QRICH1: variants seen among roughly 807,000 people sequenced by gnomAD.
The protein encoded by QRICH1 is glutamine rich 1, also known as transcriptional regulator QRICH1.
QRICH1 carries 16 observed loss-of-function variants against 87.1 expected under a neutral mutation model. That is an observed-to-expected ratio of 0.18 (90% confidence interval 0.12 to 0.28). The LOEUF is 0.28. Among genes scored for constraint, QRICH1 ranks in the 10% least tolerant of loss-of-function variants. The pLI is 1.00. For missense variants in QRICH1, 647 were observed against 951.7 expected (o/e 0.68, Z 4.21); for synonymous variants, 367 against 368.4 (o/e 1.00, Z 0.05).
intron 6 of QRICH1, among the ~76,000 whole-genome samples, chr3:49,038,774 C>T (rs1048520247): frequency 1.2e-4 from 18 of 152,276 alleles, no homozygotes; most frequent in Non-Finnish European, 2.5e-4. Flanking sequence ...CGCCTGTAAT[C>T]CTAGCACTTT....
rs1315632724 is a variant in QRICH1 at position 49,094,066 on chromosome 3, G to A, written c.-176C>T. The A allele has an allele frequency of 1.0e-5, 4 of 398,610 alleles. No individual in the cohort carries two copies. The highest frequency in any genetic ancestry group is 4.4e-5 in the Admixed American group (1 of 22,726). 24.7% of individuals were successfully genotyped at this position (398,610 alleles called of 1,614,324 possible). On this transcript the variant is annotated 5_prime_UTR_variant, in exon 1 of 10. Transcript: ENST00000395443. Reference sequence around the variant, plus strand: ...CGCCATCTTACATTCAACCCTCACAGCCAATAGGAGCCGATTGCTCCTCTC... The same window carrying A: ...CGCCATCTTACATTCAACCCTCACAACCAATAGGAGCCGATTGCTCCTCTC...
chr3:49,086,238 T>C (rs1438924497), intron 1 of QRICH1, among the ~76,000 whole-genome samples: 1 of 151,298 alleles, frequency 6.6e-6, no homozygotes, highest in African/African-American at 2.4e-5. Flanking sequence ...GTATCTCCTC[T>C]GTATCTCCCT....
intron 3 of QRICH1, among the ~76,000 whole-genome samples, chr3:49,055,085 T>C (rs59234012): frequency 1.3e-5 from 2 of 152,170 alleles, no homozygotes; most frequent in Non-Finnish European, 1.5e-5. Context: ...CTAAGCTATA[T>C]GAAGCAAAAA....
intron 1 of QRICH1, among the ~76,000 whole-genome samples, chr3:49,079,032 A>G (rs953115794): frequency 6.6e-6 from 1 of 151,800 alleles, no homozygotes; most frequent in African/African-American, 2.4e-5. Flanking sequence ...CAATCCTTCC[A>G]CCTCAGCCCA....
At chr3:49,030,952 A>C (rs1481704623) in intron 9 of QRICH1, among the ~76,000 whole-genome samples, 1 of 149,958 alleles carries the variant, frequency 6.7e-6, no homozygotes, top group Non-Finnish European at 1.5e-5. Flanking sequence ...ACTTGAAGCC[A>C]GCTTCACTGC....
chr3:49,034,372 G>A (rs1174024065), intron 6 of QRICH1, among the ~76,000 whole-genome samples: 1 of 151,346 alleles, frequency 6.6e-6, no homozygotes, highest in Non-Finnish European at 1.5e-5. Flanking sequence ...GGCCTGGGAG[G>A]TCAAGGCTGC....
At chr3:49,071,209 C>A (rs1294650375) in intron 2 of QRICH1, among the ~76,000 whole-genome samples, 1 of 151,938 alleles carries the variant, frequency 6.6e-6, no homozygotes, top group Non-Finnish European at 1.5e-5. Flanking sequence ...GGACTACAGG[C>A]ACCCGCCACC....
At chr3:49,040,033 C>A (rs1379267334) in intron 6 of QRICH1, among the ~76,000 whole-genome samples, 1 of 152,218 alleles carries the variant, frequency 6.6e-6, no homozygotes, top group Admixed American at 6.5e-5. Context: ...TGCACTCCAG[C>A]CTGGGCGATA....
At chr3:49,033,095 G>T in intron 7 of QRICH1, 25 bp downstream of exon 7, 3 of 1,433,720 alleles carry the variant, frequency 2.1e-6, no homozygotes, top group Non-Finnish European at 2.8e-6. Context: ...ACAGATGCCA[G>T]CAGTGGAGCC....
chr3:49,062,488 G>A (rs1203707217), intron 2 of QRICH1, among the ~76,000 whole-genome samples: 1 of 150,384 alleles, frequency 6.6e-6, no homozygotes, highest in East Asian at 2.0e-4. Context: ...AGCCTCCTGA[G>A]TAGCTAGGAT....
chr3:49,081,855 T>C (rs983055431), intron 1 of QRICH1, among the ~76,000 whole-genome samples: 2 of 151,954 alleles, frequency 1.3e-5, no homozygotes, highest in African/African-American at 4.8e-5. Context: ...TAGCCCAGGT[T>C]GGAGTGCAGT....
At chr3:49,073,063 G>C (rs1019602595) in intron 2 of QRICH1, among the ~76,000 whole-genome samples, 1 of 151,292 alleles carries the variant, frequency 6.6e-6, no homozygotes, top group Non-Finnish European at 1.5e-5. Flanking sequence ...AAAAAATGAA[G>C]GAAAGGGAAA....
rs200190696 is a variant in QRICH1, at chr3:49,057,738, C to T, written c.462G>A (p.Pro154=). The change falls in exon 3 of 10, where the codon CCG becomes CCA. Residue 154 remains proline (P), a synonymous_variant. Transcript: ENST00000395443. This position sits in a 1 kb window ranked among gnomAD's most constrained non-coding sequence, Gnocchi z 5.4. Reference sequence around the variant, plus strand: ...GCGAGGGACTGGGACTCTGCAGAGACGGGGTCTGAATGGAGGGGGCTGCTG... The same window carrying T: ...GCGAGGGACTGGGACTCTGCAGAGATGGGGTCTGAATGGAGGGGGCTGCTG... The part of the protein sequence containing the change: ...PQSAAPSIQT[P]SLQSPSPSQL... The T allele has an allele frequency of 2.0e-5, 33 of 1,614,126 alleles. No individual in the cohort carries two copies. In the Admixed American group the frequency reaches 2.3e-4, roughly 11 times the overall value.
At chr3:49,060,518 CG>C (rs1214450044) in intron 2 of QRICH1, among the ~76,000 whole-genome samples, 1 of 151,714 alleles carries the variant, frequency 6.6e-6, no homozygotes, top group Non-Finnish European at 1.5e-5. Flanking sequence ...TTAGTAGAGA[CG>C]GGGTTTCACC....
At chr3:49,073,477 T>A (rs1255492310) in intron 2 of QRICH1, among the ~76,000 whole-genome samples, 1 of 150,192 alleles carries the variant, frequency 6.7e-6, no homozygotes, top group African/African-American at 2.5e-5. Context: ...GAGGCAGAGG[T>A]TGCAGTGAGC....
chr3:49,086,758 T>C (rs1459388406), intron 1 of QRICH1: 1 of 152,234 alleles, frequency 6.6e-6, no homozygotes, highest in Non-Finnish European at 1.5e-5. Flanking sequence ...GAAGATCTTA[T>C]TGCAATCACT....
chr3:49,076,515 G>T (rs564714402), intron 2 of QRICH1, among the ~76,000 whole-genome samples, 194 bp downstream of exon 2: 3 of 80,760 alleles, frequency 3.7e-5, no homozygotes, highest in Non-Finnish European at 6.9e-5. Flanking sequence ...CTTGACACTG[G>T]GGTTTGTTTA....
chr3:49,081,677 T>C (rs2042063076), intron 1 of QRICH1, among the ~76,000 whole-genome samples: 1 of 152,158 alleles, frequency 6.6e-6, no homozygotes, highest in Non-Finnish European at 1.5e-5. Context: ...ATTACAGTAT[T>C]TGTTAGAGAG....
intron 2 of QRICH1, chr3:49,058,120 T>A: frequency 2.9e-6 from 2 of 697,408 alleles, no homozygotes; most frequent in Non-Finnish European, 2.3e-6. Context: ...AGCAAGACAA[T>A]TAACTGGGGC....
Sources: gnomAD v4.1 joint callset for allele counts (sites outside exome capture counted in the v4.1 genomes callset) on GRCh38, gnomAD v4.1.1 for gene constraint, Gnocchi (gnomAD v3.1) non-coding constraint, MANE v1.5 for transcripts, NCBI Gene and HGNC (gene_info 2026-07-23, HGNC 2026-07-21) for gene names.